Variants in CEP192 observed in about 807,000 individuals in gnomAD.
CEP192 encodes centrosomal protein 192.
In CEP192, 151 loss-of-function variants were observed where a neutral mutation model predicts 271.8. That is an observed-to-expected ratio of 0.56 (90% CI 0.49 to 0.64). The LOEUF is 0.64. Among genes scored for constraint, CEP192 ranks in the 30% least tolerant of loss-of-function variants. The pLI is 0.00. For synonymous variants in CEP192, 995 were observed against 1,076.5 expected (o/e 0.92, Z 1.48); for missense variants, 2,910 against 3,020.5 (o/e 0.96, Z 0.86).
At chr18:13,119,720 C>T (rs776245427) in intron 44 of CEP192, among the ~76,000 whole-genome samples, 3 of 152,086 alleles carry the variant, frequency 2.0e-5, no homozygotes, top group Non-Finnish European at 4.4e-5. Context: ...GCCTGGGCAA[C>T]AAGAGTGAAA....
intron 8 of CEP192, 52 bp downstream of exon 8, chr18:13,018,667 CT>C (rs148297078): frequency 0.096 from 119,476 of 1,243,758 alleles, 6,270 homozygotes; most frequent in East Asian, 0.2. Flanking sequence ...TTTGACTTTA[CT>C]TTTTTTAAAA....
chr18:13,059,182 C>G lies in CEP192; in HGVS notation c.4358C>G (p.Pro1453Arg). The G allele has an allele frequency of 1.2e-6, 2 of 1,614,004 alleles. No individual in the cohort carries two copies. The highest frequency in any genetic ancestry group is 1.1e-5 in the South Asian group (1 of 91,078). ...AAAGTGCTTTTTATACCATCCAGTC[C>G]TGGGGTTTTCAGATGCACATTCAGT... ...EIKVLFIPSS[P>R]GVFRCTFSVA... is the part of the protein sequence containing the mutation. The change falls in exon 21 of 45, where the codon CCT becomes CGT. Residue 1453 changes from proline to arginine, a missense_variant. Pro to Arg is a moderately radical substitution (Grantham distance 103). Coordinates refer to ENST00000506447, the MANE Select transcript of CEP192 (RefSeq NM_032142.4).
chr18:13,032,129 C>T (rs2035665752), intron 11 of CEP192, among the ~76,000 whole-genome samples: 1 of 152,272 alleles, frequency 6.6e-6, no homozygotes, highest in Admixed American at 6.5e-5. Flanking sequence ...GAATCTTCTC[C>T]TGGTAGTTAG....
At chr18:13,009,747 C>T (rs914336782) in intron 4 of CEP192, among the ~76,000 whole-genome samples, 6 of 152,022 alleles carry the variant, frequency 3.9e-5, no homozygotes, top group African/African-American at 1.2e-4. Context: ...GCAGGAGAAT[C>T]GCTTGAACCC....
At chr18:13,015,296 G>A (rs2034579023) in intron 5 of CEP192, 32 bp from the exon 6 acceptor site, 1 of 1,545,266 alleles carries the variant, frequency 6.5e-7, no homozygotes, top group Non-Finnish European at 8.7e-7. Flanking sequence ...CCCTGAATGT[G>A]CTTCTCTTAC....
At chr18:13,120,321 A>G (rs947569490) in intron 44 of CEP192, among the ~76,000 whole-genome samples, 7 of 152,232 alleles carry the variant, frequency 4.6e-5, no homozygotes, top group African/African-American at 4.8e-5. Context: ...CTTAGCTTCA[A>G]CTTGTGTTCT....
rs1195277615 is a variant in CEP192 at position 13,059,099 on chromosome 18, T to C, written c.4275T>C (p.Tyr1425=). ...TTTTGAAGGTGGATCTTTCAACATATCGTTGTTTAGTTTTCAAGAATAAAG... is the reference window on the plus strand; with the variant it reads ...TTTTGAAGGTGGATCTTTCAACATACCGTTGTTTAGTTTTCAAGAATAAAG... The part of the protein sequence containing the change: ...VNGEKVDLST[Y]RCLVFKNKAI... Residue 1425 remains tyrosine (Y), a synonymous_variant, in exon 21 of 45, where the codon TAT becomes TAC. Transcript: ENST00000506447. 1 of 1,613,092 alleles carries C rather than the reference T, an allele frequency of 6.2e-7. No homozygotes were observed. Among genetic ancestry groups the C allele is most frequent in the Non-Finnish European group, 8.5e-7 (1 of 1,179,150 alleles).
chr18:13,027,137 A>G (rs1323879446), intron 9 of CEP192, among the ~76,000 whole-genome samples: 1 of 152,112 alleles, frequency 6.6e-6, no homozygotes, highest in Admixed American at 6.5e-5. Context: ...TCCTCCCCTT[A>G]GGATGGACAG....
rs1304500318 is a variant in CEP192 at position 13,029,953 on chromosome 18, T to C, written c.1341T>C (p.Cys447=). The change falls in exon 10 of 45, where the codon TGT becomes TGC. Residue 447 remains cysteine, a synonymous_variant. Transcript: ENST00000506447. ...NFTDAIWSPT[C]ERRTCECHES... ...CTGATGCCATTTGGTCACCAACTTG[T>C]GAAAGGCGAACATGTGAATGTCACG... 6.4e-7 allele frequency: 1 copy of C among 1,551,578 alleles called. No individual in the cohort carries two copies.
chr18:13,123,598 C>T (rs1399578175), intron 44 of CEP192, among the ~76,000 whole-genome samples: 1 of 152,200 alleles, frequency 6.6e-6, no homozygotes, highest in Non-Finnish European at 1.5e-5. Flanking sequence ...GGGTGAAGTA[C>T]CTTCCCTGTG....
chr18:13,057,788 T>A, intron 20 of CEP192, 55 bp downstream of exon 20: 1 of 1,547,388 alleles, frequency 6.5e-7, no homozygotes, highest in Admixed American at 1.7e-5. Context: ...GATTAGGTGC[T>A]TGATTTCCCC....
intron 44 of CEP192, among the ~76,000 whole-genome samples, chr18:13,121,749 A>T (rs1248880221): frequency 1.3e-5 from 2 of 152,188 alleles, no homozygotes; most frequent in Non-Finnish European, 2.9e-5. Context: ...TTCCACCTCA[A>T]CTGTGCCCTC....
At chr18:12,992,581 A>G (rs370774881) in intron 1 of CEP192, among the ~76,000 whole-genome samples, 2 of 151,020 alleles carry the variant, frequency 1.3e-5, no homozygotes, top group East Asian at 4.0e-4. Context: ...GAGATGATGG[A>G]GGAGGGGTGG....
chr18:13,034,579 G>A (rs2035811559), intron 11 of CEP192, among the ~76,000 whole-genome samples: 1 of 151,928 alleles, frequency 6.6e-6, no homozygotes, highest in South Asian at 2.1e-4. Flanking sequence ...AGGCCAAGGT[G>A]GGTGGATCAC....
At chr18:13,086,026 T>A (rs553386800) in intron 30 of CEP192, among the ~76,000 whole-genome samples, 41 of 152,254 alleles carry the variant, frequency 2.7e-4, no homozygotes, top group African/African-American at 9.9e-4. Context: ...CCATGGAATG[T>A]TTTTCCATTT....
chr18:13,069,309 TGA>T, intron 26 of CEP192, 128 bp downstream of exon 26: 1 of 741,948 alleles, frequency 1.3e-6, no homozygotes, highest in East Asian at 2.5e-5. Context: ...AAAGAATCGC[TGA>T]GAGTTTTTAA....
intron 1 of CEP192, among the ~76,000 whole-genome samples, chr18:12,993,052 C>T (rs2032974280): frequency 1.3e-5 from 2 of 152,090 alleles, no homozygotes. Flanking sequence ...AGTTGGGAGA[C>T]TCGTGTGATA....
rs2039814879 is a variant in CEP192 at position 13,103,552 on chromosome 18, A to G, written c.6915A>G (p.Lys2305=). 1 of 1,614,000 alleles carries G rather than the reference A, an allele frequency of 6.2e-7. No individual in the cohort carries two copies. The highest frequency in any genetic ancestry group is 8.5e-7 in the Non-Finnish European group (1 of 1,179,918). ...AGAATCATGGCACCACAGACGTGAA[A>G]TGGCATCTGTCATCTTTAGCGCCAC... ...ELENHGTTDV[K]WHLSSLAPPY... is the part of the protein sequence containing the mutation. The change falls in exon 39 of 45, where the codon AAA becomes AAG. Residue 2305 remains lysine, a synonymous_variant. Transcript: ENST00000506447.
chr18:13,016,518 G>A (rs2034655748), intron 6 of CEP192, among the ~76,000 whole-genome samples: 1 of 152,100 alleles, frequency 6.6e-6, no homozygotes, highest in Non-Finnish European at 1.5e-5. Flanking sequence ...AGACTTTTTT[G>A]GATTTTGGAA....
Sources: allele counts gnomAD v4.1 joint callset (sites outside exome capture counted in the v4.1 genomes callset), GRCh38; gene constraint gnomAD v4.1.1; transcripts MANE v1.5; gene names NCBI Gene and HGNC (gene_info 2026-07-23, HGNC 2026-07-21).